ULK2: variants seen among roughly 807,000 people sequenced by gnomAD.
The protein encoded by ULK2 is serine/threonine-protein kinase ULK2.
In ULK2, 76 loss-of-function variants were observed where a neutral mutation model predicts 127.5. That is an observed-to-expected ratio of 0.60 (90% CI 0.50 to 0.72). ULK2 has a LOEUF of 0.72. ULK2 is among the 30% of genes least tolerant of loss of function. The probability of loss-of-function intolerance (pLI) is 0.00; values close to 1 mark genes in which losing one functional copy is unlikely to be tolerated. For missense variants in ULK2, 1,144 were observed against 1,295.9 expected (o/e 0.88, Z 1.80); for synonymous variants, 452 against 461.9 (o/e 0.98, Z 0.28).
At chr17:19,846,623 G>C (rs2041889874) in intron 6 of ULK2, 114 bp downstream of exon 6, 1 of 1,220,926 alleles carries the variant, frequency 8.2e-7, no homozygotes, top group Non-Finnish European at 1.1e-6. Context: ...CTGAGCAACA[G>C]AGCGAGACTC....
At chr17:19,834,606 G>A (rs910070554) in intron 10 of ULK2, among the ~76,000 whole-genome samples, 2 of 152,158 alleles carry the variant, frequency 1.3e-5, no homozygotes, top group South Asian at 2.1e-4. Context: ...AATGATAAAT[G>A]TATAGGCTAA....
rs1460190994 is a variant in ULK2, at chr17:19,781,894, G to A, written c.2634C>T (p.Asp878=). The change falls in exon 23 of 27, where the codon GAC becomes GAT. Residue 878 remains aspartate (D), a synonymous_variant. Transcript: ENST00000395544. ...AATGACAAGGGGGCACCCACCCCCA[G>A]TCTTTGCTCAGCTGACTGATCTGGT... ...VVDQISQLSK[D]WGRVEQLVLY... is the part of the protein sequence containing the mutation. The A allele has an allele frequency of 1.9e-6, 3 of 1,612,892 alleles. No individual in the cohort carries two copies. The East Asian group carries it at 6.7e-5, about 36-fold the overall frequency.
At position 19,797,647 on chromosome 17, in the gene ULK2, G is replaced by C. The variant is rs760852719; in HGVS notation, c.1558C>G (p.Leu520Val). 1.3e-5 allele frequency: 20 copies of C among 1,584,966 alleles called. No individual in the cohort carries two copies. The highest frequency in any genetic ancestry group is 4.6e-5 in the South Asian group (4 of 87,302). Reference sequence around the variant, plus strand: ...CTCTGCAGTCTAGCACCCGATAAGAGAGACTGTGGGGACTGAGCTTGTGGC... The same window carrying C: ...CTCTGCAGTCTAGCACCCGATAAGACAGACTGTGGGGACTGAGCTTGTGGC... ...PVPQAQSPQSLLSGARLQSAP... is the reference protein window; with the variant it reads ...PVPQAQSPQSVLSGARLQSAP... The change falls in exon 18 of 27, where the codon CTC becomes GTC. Residue 520 changes from leucine (L) to valine (V), a missense_variant. Physicochemically the swap from Leu to Val is conservative, Grantham distance 32 (BLOSUM62 1). Coordinates refer to ENST00000395544, the MANE Select transcript of ULK2 (RefSeq NM_014683.4).
chr17:19,822,328 G>A (rs147115852), intron 12 of ULK2, among the ~76,000 whole-genome samples: 1 of 151,964 alleles, frequency 6.6e-6, no homozygotes, highest in Admixed American at 6.6e-5. Flanking sequence ...GACATAAAAA[G>A]GATATGTTTA....
intron 3 of ULK2, among the ~76,000 whole-genome samples, chr17:19,852,893 G>A (rs113638209): frequency 0.016 from 2,466 of 151,770 alleles, 68 homozygotes; most frequent in African/African-American, 0.056. Flanking sequence ...CTCGTGATCC[G>A]CCCACCTCGG....
At chr17:19,791,039 A>G (rs1245825579) in intron 20 of ULK2, among the ~76,000 whole-genome samples, 2 of 152,336 alleles carry the variant, frequency 1.3e-5, no homozygotes, top group Admixed American at 6.5e-5. Flanking sequence ...ACAGAGATAG[A>G]CCCCAATACA....
chr17:19,867,419 G>A lies in ULK2; in HGVS notation c.-2C>T. The A allele has an allele frequency of 6.3e-7, 1 of 1,590,588 alleles. No homozygotes were observed. The highest frequency in any genetic ancestry group is 8.5e-7 in the Non-Finnish European group (1 of 1,170,752). ...CTCGAAGTCACCCACCACCTCCATGGCCGCGCCCCCGGGGCACACAGCGGA... is the reference window on the plus strand; with the variant it reads ...CTCGAAGTCACCCACCACCTCCATGACCGCGCCCCCGGGGCACACAGCGGA... On this transcript the variant is annotated 5_prime_UTR_variant, in exon 1 of 27. Coordinates refer to ENST00000395544, the MANE Select transcript of ULK2 (RefSeq NM_014683.4).
At chr17:19,782,131 T>C in intron 22 of ULK2, 64 bp from the exon 23 acceptor site, 5 of 1,483,980 alleles carry the variant, frequency 3.4e-6, no homozygotes, top group African/African-American at 1.4e-5. Context: ...CTCATTTCTG[T>C]ACATAAACCA....
chr17:19,815,407 C>T (rs781572360), intron 13 of ULK2, among the ~76,000 whole-genome samples: 6 of 152,136 alleles, frequency 3.9e-5, no homozygotes, highest in Non-Finnish European at 7.4e-5. Flanking sequence ...CTCAGCCTCC[C>T]GAGTAGCTGG....
At chr17:19,845,912 C>A (rs972208121) in intron 6 of ULK2, among the ~76,000 whole-genome samples, 9 of 151,894 alleles carry the variant, frequency 5.9e-5, no homozygotes, top group Non-Finnish European at 1.2e-4. Flanking sequence ...AGCTCGAGAC[C>A]AGCCTGGCCA....
At chr17:19,808,480 G>A (rs1299258965) in intron 14 of ULK2, among the ~76,000 whole-genome samples, 3 of 152,116 alleles carry the variant, frequency 2.0e-5, no homozygotes, top group Non-Finnish European at 2.9e-5. Flanking sequence ...GACACAAAGA[G>A]TCAAAAGACA....
chr17:19,851,822 G>A (rs965879002), intron 3 of ULK2, among the ~76,000 whole-genome samples: 9 of 151,626 alleles, frequency 5.9e-5, no homozygotes, highest in African/African-American at 7.3e-5. Flanking sequence ...TCAGGAGTTC[G>A]AGACCTCGAT....
intron 10 of ULK2, among the ~76,000 whole-genome samples, chr17:19,830,773 AT>A (rs2041419717): frequency 6.6e-6 from 1 of 152,172 alleles, no homozygotes; most frequent in African/African-American, 2.4e-5. Context: ...CATGCCTATA[AT>A]CCCAGCACTT....
intron 18 of ULK2, 46 bp from the exon 19 acceptor site, chr17:19,796,328 A>G (rs750906927): frequency 9.3e-6 from 14 of 1,500,876 alleles, no homozygotes; most frequent in South Asian, 4.1e-5. Context: ...AGTTAATACG[A>G]TGCATGAACT....
intron 20 of ULK2, among the ~76,000 whole-genome samples, chr17:19,794,922 C>CA (rs1163561223): frequency 6.6e-6 from 1 of 151,798 alleles, no homozygotes; most frequent in Non-Finnish European, 1.5e-5. Context: ...ACTAAAAATA[C>CA]AAAAAAATTA....
intron 3 of ULK2, among the ~76,000 whole-genome samples, chr17:19,853,317 T>G (rs2042058018): frequency 6.6e-6 from 1 of 151,498 alleles, no homozygotes; most frequent in African/African-American, 2.4e-5. Flanking sequence ...TATGTATTTT[T>G]TCTAGAGACG....
chr17:19,859,534 A>G (rs1017514698), intron 3 of ULK2, among the ~76,000 whole-genome samples: 4 of 152,216 alleles, frequency 2.6e-5, no homozygotes, highest in Admixed American at 6.5e-5. Flanking sequence ...AAGATAGCTA[A>G]TATCTTTGAC....
At chr17:19,779,892 G>A (rs766954650) in intron 25 of ULK2, among the ~76,000 whole-genome samples, 4 of 151,964 alleles carry the variant, frequency 2.6e-5, no homozygotes, top group Non-Finnish European at 2.9e-5. Flanking sequence ...AGATTAGATC[G>A]GCTGGGCACG....
chr17:19,825,605 G>A (rs2041268470), intron 11 of ULK2, among the ~76,000 whole-genome samples: 1 of 151,844 alleles, frequency 6.6e-6, no homozygotes, highest in African/African-American at 2.4e-5. Context: ...AGCTACTCCA[G>A]AGGCTGAGGC....
Sources: gnomAD v4.1 joint callset for allele counts (sites outside exome capture counted in the v4.1 genomes callset) on GRCh38, gnomAD v4.1.1 for gene constraint, MANE v1.5 for transcripts, NCBI Gene and HGNC (gene_info 2026-07-23, HGNC 2026-07-21) for gene names.